PLB1: variants seen among roughly 807,000 people sequenced by gnomAD.
PLB1 encodes the protein phospholipase B1, membrane-associated.
Under a neutral mutation model 227.4 loss-of-function variants are expected in PLB1, and 242 were observed. The observed-to-expected ratio is 1.06, with a 90% CI of 0.96 to 1.18. The LOEUF is 1.18. Ranked by LOEUF, PLB1 falls within the 50% of genes most tolerant of loss-of-function variation. PLB1 has a pLI of 0.00. For synonymous variants in PLB1, 757 were observed against 682.2 expected (o/e 1.11, Z -1.71); for missense variants, 1,858 against 1,816.3 (o/e 1.02, Z -0.42).
At chr2:28,554,418 C>T (rs1051572369) in intron 17 of PLB1, among the ~76,000 whole-genome samples, 2 of 150,018 alleles carry the variant, frequency 1.3e-5, no homozygotes, top group African/African-American at 4.9e-5. Flanking sequence ...GCCTCAACCT[C>T]CTGGGCTCAA....
At chr2:28,496,755 G>T (rs1666497862) in intron 1 of PLB1, among the ~76,000 whole-genome samples, 1 of 152,160 alleles carries the variant, frequency 6.6e-6, no homozygotes, top group Non-Finnish European at 1.5e-5. Flanking sequence ...GGTAGATTGT[G>T]CCTCTGCCAC....
chr2:28,505,275 A>G (rs1057074640), intron 1 of PLB1, among the ~76,000 whole-genome samples: 7 of 152,204 alleles, frequency 4.6e-5, no homozygotes, highest in African/African-American at 1.7e-4. Flanking sequence ...CTTACAGTAT[A>G]ATAGAGCTCG....
Position 28,629,124 on chromosome 2 carries a change from G to T in PLB1, c.3757G>T (p.Val1253Phe), listed in dbSNP as rs762643040. ...AAGGGCTTTCGTCAACGTGGTGGAG[G>T]TCATGGAGCTGGCTAGCCTGTACCA... is the stretch of plus-strand genomic sequence containing the variant. ...LPRAFVNVVE[V>F]MELASLYQGQ... is the part of the protein sequence containing the mutation. The change falls in exon 53 of 58, where the codon GTC (valine) becomes TTC (phenylalanine). Residue 1253 changes from valine to phenylalanine, a missense_variant. Coordinates refer to ENST00000327757, the MANE Select transcript of PLB1 (RefSeq NM_153021.5). The T allele has an allele frequency of 6.2e-7, 1 of 1,613,970 alleles. No homozygotes were observed. Among genetic ancestry groups the T allele is most frequent in the Non-Finnish European group, 8.5e-7 (1 of 1,179,938 alleles).
chr2:28,598,641 T>G lies in PLB1; in HGVS notation c.2366-11T>G. 6.2e-7 allele frequency: 1 copy of G among 1,607,624 alleles called. No individual in the cohort carries two copies. The highest frequency in any genetic ancestry group is 1.1e-5 in the South Asian group (1 of 90,942). Reference sequence around the variant, plus strand: ...CTGAGCCGTCTGCATCCCATTCACCTTCTCTTCCAGATATCCTTCGGGAGT... The same window carrying G: ...CTGAGCCGTCTGCATCCCATTCACCGTCTCTTCCAGATATCCTTCGGGAGT... On this transcript the variant is annotated splice_polypyrimidine_tract_variant and intron_variant, in intron 34 of 57. Coordinates refer to ENST00000327757, the MANE Select transcript of PLB1 (RefSeq NM_153021.5).
rs1690170799 is a variant in PLB1 at position 28,643,309 on chromosome 2, T to C, written c.*248T>C. On this transcript the variant is annotated 3_prime_UTR_variant, in exon 58 of 58. Coordinates refer to ENST00000327757, the MANE Select transcript of PLB1 (RefSeq NM_153021.5). Reference sequence around the variant, plus strand: ...CGTGAAGCACTCACCTTCCATCTCTTGTGCAGCCCAGGTGTGGGAGCTGCC... The same window carrying C: ...CGTGAAGCACTCACCTTCCATCTCTCGTGCAGCCCAGGTGTGGGAGCTGCC... 1.1e-5 allele frequency: 4 copies of C among 380,872 alleles called. No individual in the cohort carries two copies. Among genetic ancestry groups the C allele is most frequent in the Non-Finnish European group, 1.4e-5 (3 of 211,672 alleles). 23.6% of individuals were successfully genotyped at this position (380,872 alleles called of 1,614,324 possible). A position where few individuals can be genotyped will look rare whatever the true frequency, so the allele number is the denominator to read the frequency against.
chr2:28,633,151 CA>C (rs749799885), intron 56 of PLB1, 112 bp downstream of exon 56: 47 of 868,768 alleles, frequency 5.4e-5, no homozygotes, highest in Non-Finnish European at 4.0e-5. Flanking sequence ...CCCCAAAGCC[CA>C]AAGTGGCAGC....
intron 40 of PLB1, among the ~76,000 whole-genome samples, 199 bp from the exon 41 acceptor site, chr2:28,604,456 T>A (rs1418105272): frequency 6.6e-6 from 1 of 152,108 alleles, no homozygotes; most frequent in Non-Finnish European, 1.5e-5. Flanking sequence ...CTACTTACAA[T>A]CAAAACAAAA....
chr2:28,614,697 T>C (rs1014979590), intron 44 of PLB1, among the ~76,000 whole-genome samples: 2 of 152,362 alleles, frequency 1.3e-5, no homozygotes, highest in Non-Finnish European at 2.9e-5. Flanking sequence ...GGATCAGGTC[T>C]GTTGGTCACC....
intron 56 of PLB1, among the ~76,000 whole-genome samples, chr2:28,635,064 T>C (rs1331202047): frequency 6.6e-6 from 1 of 152,178 alleles, no homozygotes; most frequent in Non-Finnish European, 1.5e-5. Context: ...AACACCGCAC[T>C]GGAGCTATTG....
intron 22 of PLB1, among the ~76,000 whole-genome samples, chr2:28,579,254 C>T (rs780020186): frequency 6.6e-6 from 1 of 152,174 alleles, no homozygotes; most frequent in Non-Finnish European, 1.5e-5. Flanking sequence ...CTAGAAGATT[C>T]TGGAACAAAC....
At chr2:28,552,317 C>T (rs149198887) in intron 16 of PLB1, among the ~76,000 whole-genome samples, 4 of 152,220 alleles carry the variant, frequency 2.6e-5, no homozygotes, top group African/African-American at 9.6e-5. Context: ...ACTACTTGGG[C>T]AAAGGCCTGG....
chr2:28,628,959 A>G (rs1339354732), intron 52 of PLB1, 135 bp from the exon 53 acceptor site: 1 of 694,360 alleles, frequency 1.4e-6, no homozygotes, highest in African/African-American at 1.8e-5. Context: ...AGATACTACA[A>G]GTTGCATCCC....
chr2:28,578,169 G>A lies in PLB1; in HGVS notation c.1485+11G>A, dbSNP rs1409572510. On this transcript the variant is annotated intron_variant, in intron 22 of 57. Coordinates refer to ENST00000327757, the MANE Select transcript of PLB1 (RefSeq NM_153021.5). ...ATGAAGAATGACACGGTGGGTCCCTGGGATGGGAAGTAGGCAGGAAAAATC... is the reference window on the plus strand; with the variant it reads ...ATGAAGAATGACACGGTGGGTCCCTAGGATGGGAAGTAGGCAGGAAAAATC... The A allele has an allele frequency of 6.2e-7, 1 of 1,613,522 alleles. No individual in the cohort carries two copies. The highest frequency in any genetic ancestry group is 1.7e-5 in the Admixed American group (1 of 59,996).
chr2:28,601,117 C>T lies in PLB1; in HGVS notation c.2527-135C>T, dbSNP rs551027398. 8.8e-6 allele frequency: 7 copies of T among 795,042 alleles called. No individual in the cohort carries two copies. In the South Asian group the frequency reaches 1.2e-4, roughly 13 times the overall value. The allele number at this position is 795,042 out of a possible 1,614,324, so 49.2% of individuals were successfully genotyped here. A position where few individuals can be genotyped will look rare whatever the true frequency, so the allele number is the denominator to read the frequency against. On this transcript the variant is annotated intron_variant, in intron 36 of 57. Transcript: ENST00000327757. Reference sequence around the variant, plus strand: ...GGTCTATAAATAAACCTCTAAAATTCCTTCAGTTCAGAGATGCTGATTCCA... The same window carrying T: ...GGTCTATAAATAAACCTCTAAAATTTCTTCAGTTCAGAGATGCTGATTCCA...
At chr2:28,619,012 C>T (rs1009357304) in intron 46 of PLB1, among the ~76,000 whole-genome samples, 3 of 152,200 alleles carry the variant, frequency 2.0e-5, no homozygotes, top group African/African-American at 7.2e-5. Flanking sequence ...TGCATAGTCA[C>T]ATAGATGACA....
chr2:28,557,889 G>T (rs1251942296), intron 17 of PLB1, among the ~76,000 whole-genome samples: 4 of 152,092 alleles, frequency 2.6e-5, no homozygotes, highest in Non-Finnish European at 5.9e-5. Context: ...GGAAAATTAG[G>T]CCAGTGAAAT....
chr2:28,541,666 C>A, intron 12 of PLB1, 41 bp from the exon 13 acceptor site: 1 of 1,530,904 alleles, frequency 6.5e-7, no homozygotes, highest in Non-Finnish European at 9.0e-7. Context: ...CTCTGCCTCG[C>A]TCATGTTCCT....
intron 25 of PLB1, 92 bp downstream of exon 25, chr2:28,582,597 C>T (rs371910339): frequency 1.7e-5 from 17 of 1,010,414 alleles, no homozygotes; most frequent in Non-Finnish European, 2.3e-5. Context: ...ACCCAAGGGC[C>T]GAAGTGTGAA....
At chr2:28,566,585 C>T in intron 19 of PLB1, 1 of 544,006 alleles carries the variant, frequency 1.8e-6, no homozygotes, top group Non-Finnish European at 3.3e-6. Context: ...TGGTTTAAAG[C>T]TGGCGTTTTG....
Sources: allele counts gnomAD v4.1 joint callset (sites outside exome capture counted in the v4.1 genomes callset), GRCh38; gene constraint gnomAD v4.1.1; transcripts MANE v1.5; gene names NCBI Gene and HGNC (gene_info 2026-07-23, HGNC 2026-07-21).